The following NKAIN2 variants were observed in gnomAD, a reference collection of about 807,000 sequenced individuals.
The protein encoded by NKAIN2 is sodium/potassium transporting ATPase interacting 2, also known as sodium/potassium-transporting ATPase subunit beta-1-interacting protein 2.
Under a neutral mutation model 32.6 loss-of-function variants are expected in NKAIN2, and 14 were observed. That is an observed-to-expected ratio of 0.43 (90% CI 0.28 to 0.67). NKAIN2 has a LOEUF of 0.67. NKAIN2 is among the 30% of genes least tolerant of loss of function. The pLI, the probability that NKAIN2 is intolerant of heterozygous loss-of-function variation, is 0.17. For missense variants in NKAIN2, 198 were observed against 258.3 expected, an observed-to-expected ratio of 0.77 and a Z score of 1.60; for synonymous variants, 80 against 87.2, an observed-to-expected ratio of 0.92 and a Z score of 0.46.
chr6:124,811,634 C>A (rs928013148), intron 5 of NKAIN2, among the ~76,000 whole-genome samples: 2 of 152,096 alleles, frequency 1.3e-5, no homozygotes. Context: ...CATCCACTGA[C>A]CCTACCCATA....
intron 1 of NKAIN2, among the ~76,000 whole-genome samples, chr6:123,844,834 A>G (rs1775025348): frequency 6.6e-6 from 1 of 152,184 alleles, no homozygotes; most frequent in Non-Finnish European, 1.5e-5. Flanking sequence ...TCAGTATTAG[A>G]CATATACTCT....
chr6:124,017,671 G>A (rs1434423083), intron 1 of NKAIN2, among the ~76,000 whole-genome samples: 1 of 152,144 alleles, frequency 6.6e-6, no homozygotes, highest in Non-Finnish European at 1.5e-5. Flanking sequence ...GCTCCAAAAT[G>A]ATGTCCTTTG....
At chr6:124,729,226 G>A (rs1033383552) in intron 4 of NKAIN2, among the ~76,000 whole-genome samples, 19 of 150,932 alleles carry the variant, frequency 1.3e-4, no homozygotes, top group Non-Finnish European at 2.2e-4. Flanking sequence ...GCATCATTCT[G>A]ATACCAAAGC....
intron 3 of NKAIN2, among the ~76,000 whole-genome samples, chr6:124,572,926 G>A (rs1213537544): frequency 7.9e-5 from 12 of 151,760 alleles, no homozygotes; most frequent in Admixed American, 3.3e-4. Flanking sequence ...TGCGTCCTCC[G>A]CCTCCCCAGT....
rs1786008811 is a variant in NKAIN2, at chr6:124,123,738, A to G, written c.55-159267A>G. 2.0e-5 allele frequency among the ~76,000 whole-genome samples: 3 copies of G among 152,248 alleles called. No individual in the cohort carries two copies. In the South Asian group the frequency reaches 6.2e-4, roughly 32 times the overall value. On this transcript the variant is annotated intron_variant, in intron 1 of 6. Coordinates refer to ENST00000368417, the MANE Select transcript of NKAIN2 (RefSeq NM_001040214.3). ...TAAGTAAATATTGACCTCCTGAATC[A>G]TATACTACCAAATGGCAGGAACTGG... is the stretch of plus-strand genomic sequence containing the variant.
At chr6:124,363,747 C>T (rs965188370) in intron 3 of NKAIN2, among the ~76,000 whole-genome samples, 1 of 152,136 alleles carries the variant, frequency 6.6e-6, no homozygotes, top group Non-Finnish European at 1.5e-5. Context: ...ACTGATTACC[C>T]ATCACTTTAT....
intron 1 of NKAIN2, among the ~76,000 whole-genome samples, chr6:123,993,618 A>C (rs997251470): frequency 6.6e-6 from 1 of 152,154 alleles, no homozygotes; most frequent in Non-Finnish European, 1.5e-5. Flanking sequence ...CCCAATAGTT[A>C]GTTATTTTGA....
chr6:124,327,465 C>G, intron 2 of NKAIN2, among the ~76,000 whole-genome samples: 1 of 151,848 alleles, frequency 6.6e-6, no homozygotes, highest in Non-Finnish European at 1.5e-5. Context: ...TTCTTTCTTC[C>G]CAACTTTTTA....
chr6:124,479,521 T>G (rs1777362511), intron 3 of NKAIN2, among the ~76,000 whole-genome samples: 1 of 152,148 alleles, frequency 6.6e-6, no homozygotes, highest in African/African-American at 2.4e-5. Context: ...CACATGGTAA[T>G]GGGATGGGAA....
At chr6:124,673,714 G>A (rs1773215824) in intron 4 of NKAIN2, among the ~76,000 whole-genome samples, 1 of 151,402 alleles carries the variant, frequency 6.6e-6, no homozygotes, top group Admixed American at 6.6e-5. Context: ...TAAGTTCTTT[G>A]CCCATTTTTT....
chr6:124,095,693 T>A (rs1441971715), intron 1 of NKAIN2, among the ~76,000 whole-genome samples: 1 of 152,174 alleles, frequency 6.6e-6, no homozygotes, highest in East Asian at 1.9e-4. Context: ...TCCTATGAGA[T>A]CAACTCTATC....
chr6:124,596,050 AG>A (rs373756040), intron 3 of NKAIN2, among the ~76,000 whole-genome samples: 1 of 152,286 alleles, frequency 6.6e-6, no homozygotes, highest in East Asian at 1.9e-4. Flanking sequence ...TTCTCCTTGA[AG>A]AGAAAAAAAA....
chr6:123,955,486 T>G, intron 1 of NKAIN2, among the ~76,000 whole-genome samples: 1 of 152,088 alleles, frequency 6.6e-6, no homozygotes. Context: ...ACAAATTCTT[T>G]GTTACTAAAA....
At position 123,902,126 on chromosome 6, in the gene NKAIN2, A is replaced by G. The variant is rs1172743012; in HGVS notation, c.54+97872A>G. ...AATATTGAAGGGCATAACTTATCAAATGATATGTCAAGTACAAAAATGGCC... is the reference window on the plus strand; with the variant it reads ...AATATTGAAGGGCATAACTTATCAAGTGATATGTCAAGTACAAAAATGGCC... On this transcript the variant is annotated intron_variant, in intron 1 of 6. Transcript: ENST00000368417. Among the ~76,000 whole-genome samples the G allele has an allele frequency of 2.0e-5, 3 of 152,140 alleles. No individual in the cohort carries two copies. In the East Asian group the frequency reaches 5.8e-4, roughly 29 times the overall value.
chr6:124,280,008 A>G (rs1336612257), intron 1 of NKAIN2, among the ~76,000 whole-genome samples: 2 of 152,208 alleles, frequency 1.3e-5, no homozygotes, highest in Non-Finnish European at 2.9e-5. Context: ...TGCAAGCCAA[A>G]CACAAGGAAC....
intron 1 of NKAIN2, among the ~76,000 whole-genome samples, chr6:124,256,103 C>A (rs1360841158): frequency 6.6e-6 from 1 of 152,126 alleles, no homozygotes; most frequent in African/African-American, 2.4e-5. Flanking sequence ...CTATTCTCAG[C>A]AAGTCAGTTG....
chr6:124,383,637 A>G (rs1772750684), intron 3 of NKAIN2, among the ~76,000 whole-genome samples: 1 of 152,098 alleles, frequency 6.6e-6, no homozygotes, highest in African/African-American at 2.4e-5. Flanking sequence ...CTCCATTTAC[A>G]CACACACTCA....
At chr6:123,844,040 A>G (rs1774993782) in intron 1 of NKAIN2, among the ~76,000 whole-genome samples, 1 of 152,156 alleles carries the variant, frequency 6.6e-6, no homozygotes, top group Non-Finnish European at 1.5e-5. Context: ...TCAGGTAGGT[A>G]AGAGAACTTA....
chr6:124,167,653 T>G (rs1267578236), intron 1 of NKAIN2, among the ~76,000 whole-genome samples: 10 of 152,154 alleles, frequency 6.6e-5, no homozygotes, highest in South Asian at 6.2e-4. Flanking sequence ...TTGGCTGTGG[T>G]TTTGTCATAG....
Sources: gnomAD v4.1 joint callset for allele counts (sites outside exome capture counted in the v4.1 genomes callset) on GRCh38, gnomAD v4.1.1 for gene constraint, MANE v1.5 for transcripts, NCBI Gene and HGNC (gene_info 2026-07-23, HGNC 2026-07-21) for gene names.